Variants in DMD observed in about 807,000 individuals in gnomAD.
The protein encoded by DMD is dystrophin.
Under a neutral mutation model 330.1 loss-of-function variants are expected in DMD, and 63 were observed. That is an observed-to-expected ratio of 0.19 (90% CI 0.16 to 0.24). DMD has a LOEUF of 0.24. DMD is among the 10% of genes least tolerant of loss of function. The pLI, the probability that DMD is intolerant of heterozygous loss-of-function variation, is 1.00. For missense variants in DMD, 3,344 were observed against 2,684.1 expected, an observed-to-expected ratio of 1.25 and a Z score of -5.43; for synonymous variants, 1,223 against 959.8, an observed-to-expected ratio of 1.27 and a Z score of -5.07.
chrX:31,607,862 T>C (rs1474379642), intron 55 of DMD, among the ~76,000 whole-genome samples: 1 of 112,014 alleles, frequency 8.9e-6, no homozygotes, highest in Non-Finnish European at 1.9e-5. Flanking sequence ...TTCAGAATAA[T>C]CCAATTATTC....
At chrX:32,761,574 T>A (rs1270369580) in intron 7 of DMD, among the ~76,000 whole-genome samples, 7 of 111,889 alleles carry the variant, frequency 6.3e-5, no homozygotes. Context: ...CATAAATGAC[T>A]GGAGTGGCAG....
intron 18 of DMD, 73 bp from the exon 19 acceptor site, chrX:32,501,915 T>C: frequency 2.4e-6 from 2 of 819,799 alleles, no homozygotes; most frequent in Non-Finnish European, 3.6e-6. Context: ...TAACTTCTAC[T>C]TGCCCTTTCA....
intron 55 of DMD, among the ~76,000 whole-genome samples, chrX:31,522,864 T>C (rs1485875359): frequency 9.0e-6 from 1 of 111,411 alleles, no homozygotes; most frequent in Non-Finnish European, 1.9e-5. Context: ...TAGCCTGAAA[T>C]AGGGGCGGTA....
At chrX:31,747,474 T>C (rs751257399) in intron 51 of DMD, among the ~76,000 whole-genome samples, 1 of 111,322 alleles carries the variant, frequency 9.0e-6, no homozygotes, top group African/African-American at 3.3e-5. Flanking sequence ...ATTTTAGACA[T>C]ACTTGTCTAT....
At chrX:32,310,529 G>A (rs902122685) in intron 41 of DMD, among the ~76,000 whole-genome samples, 6 of 111,147 alleles carry the variant, frequency 5.4e-5, no homozygotes, top group African/African-American at 9.8e-5. Flanking sequence ...AATATAAGAC[G>A]AAAGACCATG....
intron 16 of DMD, among the ~76,000 whole-genome samples, chrX:32,547,506 C>T (rs759851900): frequency 1.4e-3 from 153 of 110,719 alleles, no homozygotes; most frequent in African/African-American, 2.5e-3. Context: ...TCATTTCCTT[C>T]GGGATGGAGA....
At chrX:33,009,162 GTATA>G (rs767812488) in intron 2 of DMD, among the ~76,000 whole-genome samples, 1 of 2,510 alleles carries the variant, frequency 4.0e-4, no homozygotes, top group Non-Finnish European at 7.7e-4. Flanking sequence ...ACGTATATAT[GTATA>G]TATATGTGTA....
Position 31,802,646 on chromosome X carries a change from G to A in DMD, c.7309+17329C>T, listed in dbSNP as rs184515041. 4.5e-5 allele frequency among the ~76,000 whole-genome samples: 5 copies of A among 111,716 alleles called. No homozygotes were observed. The East Asian group carries it at 1.4e-3, about 31-fold the overall frequency. On this transcript the variant is annotated intron_variant, in intron 50 of 78. Transcript: ENST00000357033. Reference sequence around the variant, plus strand: ...TTTTGTTACTGGATAGCTAAGTGGTGCTACAAAACCTGAAGAAAGGAATAT... The same window carrying A: ...TTTTGTTACTGGATAGCTAAGTGGTACTACAAAACCTGAAGAAAGGAATAT...
intron 44 of DMD, among the ~76,000 whole-genome samples, chrX:32,086,536 G>C (rs1216957658): frequency 9.0e-6 from 1 of 111,134 alleles, no homozygotes; most frequent in African/African-American, 3.3e-5. Context: ...TTCATCCTTT[G>C]TTGTTGGGTG....
chrX:31,176,006 A>C (rs774880670), intron 71 of DMD, among the ~76,000 whole-genome samples: 2 of 111,665 alleles, frequency 1.8e-5, no homozygotes, highest in South Asian at 7.5e-4. Context: ...GATCCATATC[A>C]AATGGATCAA....
At chrX:33,145,414 C>T (rs1018919459) in intron 1 of DMD, among the ~76,000 whole-genome samples, 4 of 111,401 alleles carry the variant, frequency 3.6e-5, no homozygotes, top group African/African-American at 9.8e-5. Flanking sequence ...AGTTTGTTCT[C>T]AATGCAACAC....
intron 52 of DMD, among the ~76,000 whole-genome samples, chrX:31,692,083 T>C (rs1240572758): frequency 9.0e-6 from 1 of 111,571 alleles, no homozygotes; most frequent in Non-Finnish European, 1.9e-5. Flanking sequence ...CTGACCACAA[T>C]ATAAAATTAG....
chrX:31,995,948 C>T (rs1351530860), intron 44 of DMD, among the ~76,000 whole-genome samples: 2 of 111,983 alleles, frequency 1.8e-5, no homozygotes, highest in Non-Finnish European at 3.8e-5. Flanking sequence ...GTACACAGGA[C>T]ATTTGATCAC....
At chrX:31,687,904 G>A (rs185187290) in intron 52 of DMD, among the ~76,000 whole-genome samples, 13 of 111,090 alleles carry the variant, frequency 1.2e-4, no homozygotes, top group African/African-American at 2.3e-4. Context: ...TAACTTTGTC[G>A]TACTTGAATG....
chrX:32,248,055 G>C (rs890552256), intron 43 of DMD, among the ~76,000 whole-genome samples: 9 of 111,523 alleles, frequency 8.1e-5, no homozygotes, highest in Non-Finnish European at 1.1e-4. Context: ...TTTATGAAGA[G>C]AAAGAGGTTA....
At chrX:31,732,623 G>A (rs913047559) in intron 51 of DMD, among the ~76,000 whole-genome samples, 2 of 109,632 alleles carry the variant, frequency 1.8e-5, no homozygotes, top group African/African-American at 3.3e-5. Context: ...CTATTCCTTC[G>A]AGCCACCCAC....
At chrX:32,492,096 T>C (rs1258673198) in intron 19 of DMD, among the ~76,000 whole-genome samples, 1 of 111,929 alleles carries the variant, frequency 8.9e-6, no homozygotes, top group African/African-American at 3.2e-5. Flanking sequence ...TTCCAACACT[T>C]TGGGAGGCCG....
chrX:32,460,575 T>A (rs1342405868), intron 25 of DMD, among the ~76,000 whole-genome samples: 2 of 111,299 alleles, frequency 1.8e-5, no homozygotes, highest in Admixed American at 9.6e-5. Flanking sequence ...TATTCCTTTC[T>A]GACTCATTTT....
chrX:32,682,176 A>G (rs761596887), intron 9 of DMD, among the ~76,000 whole-genome samples: 15 of 111,808 alleles, frequency 1.3e-4, no homozygotes, highest in African/African-American at 4.9e-4. Flanking sequence ...CAGTTTGTAA[A>G]TTCCTTAAGG....
Sources: gnomAD v4.1 joint callset for allele counts (sites outside exome capture counted in the v4.1 genomes callset) on GRCh38, gnomAD v4.1.1 for gene constraint, MANE v1.5 for transcripts, NCBI Gene and HGNC (gene_info 2026-07-23, HGNC 2026-07-21) for gene names.